PTPRT: variants seen among roughly 807,000 people sequenced by gnomAD.
PTPRT encodes receptor-type tyrosine-protein phosphatase T.
A neutral mutation model predicts 176.8 loss-of-function variants in PTPRT; 56 were observed. The ratio of observed to expected loss-of-function variants is 0.32; its 90% confidence interval spans 0.26 to 0.40. The LOEUF (loss-of-function observed/expected upper bound fraction) is 0.40, where lower values mean the gene tolerates loss of function less well. PTPRT is among the 10% of genes least tolerant of loss of function. PTPRT has a pLI of 1.00. For synonymous variants in PTPRT, 783 were observed against 739.0 expected, an observed-to-expected ratio of 1.06 and a Z score of -0.96; for missense variants, 1,540 against 1,908.2, an observed-to-expected ratio of 0.81 and a Z score of 3.60.
chr20:42,486,563 T>C (rs747464862), intron 7 of PTPRT, among the ~76,000 whole-genome samples: 6 of 152,220 alleles, frequency 3.9e-5, no homozygotes, highest in South Asian at 2.1e-4. Context: ...AATAAAATTA[T>C]ATGCATGCAT....
Position 42,677,990 on chromosome 20 carries a change from G to A in PTPRT, c.1029C>T (p.Pro343=), listed in dbSNP as rs769133198. ...TWAETHIVDS[P]NYKLWHLDPD... is the part of the protein sequence containing the mutation. Reference sequence around the variant, plus strand: ...GGTCCAGATGCCACAGCTTATAGTTGGGAGAGTCGACTATGTGGGTCTCTG... The same window carrying A: ...GGTCCAGATGCCACAGCTTATAGTTAGGAGAGTCGACTATGTGGGTCTCTG... Residue 343 remains proline, a synonymous_variant, in exon 7 of 31, where the codon CCC becomes CCT. Coordinates refer to ENST00000373187, the MANE Select transcript of PTPRT (RefSeq NM_007050.6). 21 of 1,614,178 alleles carry A rather than the reference G, an allele frequency of 1.3e-5. No homozygotes were observed. The highest frequency in any genetic ancestry group is 1.6e-5 in the Non-Finnish European group (19 of 1,180,044).
In PTPRT at chr20:42,084,775, G is replaced by C. The variant is rs761334315; in HGVS notation, c.4043C>G (p.Pro1348Arg). ...IGWPAYRDTP[P>R]SKRSLLKVVR... is the part of the protein sequence containing the mutation. ...CACTTTGAGCAGAGAGCGCTTGGAGGGGGGCGTGTCCCGGTAGGCAGGCCA... is the reference window on the plus strand; with the variant it reads ...CACTTTGAGCAGAGAGCGCTTGGAGCGGGGCGTGTCCCGGTAGGCAGGCCA... The change falls in exon 29 of 31, where the codon CCC becomes CGC. Residue 1348 changes from proline (P) to arginine (R), a missense_variant. Physicochemically the swap from Pro to Arg is moderately radical, Grantham distance 103. Around this residue, in one of 11 missense-constraint regions of PTPRT, gnomAD observed 342 missense variants for 394.0 expected, o/e 0.87. Coordinates refer to ENST00000373187, the MANE Select transcript of PTPRT (RefSeq NM_007050.6). 3.8e-6 allele frequency: 6 copies of C among 1,559,854 alleles called. No homozygotes were observed. The highest frequency in any genetic ancestry group is 1.8e-5 in the Admixed American group (1 of 56,256).
chr20:42,840,947 G>C (rs1198114597), intron 2 of PTPRT, among the ~76,000 whole-genome samples: 2 of 152,132 alleles, frequency 1.3e-5, no homozygotes, highest in Non-Finnish European at 2.9e-5. Context: ...AGTCCTTCGT[G>C]CTACTTGACT....
intron 9 of PTPRT, among the ~76,000 whole-genome samples, chr20:42,362,207 C>A (rs145655918): frequency 6.6e-6 from 1 of 152,024 alleles, no homozygotes; most frequent in Non-Finnish European, 1.5e-5. Context: ...GTCGAGGCTG[C>A]GGTTAGGCAA....
intron 1 of PTPRT, among the ~76,000 whole-genome samples, chr20:43,112,014 C>T (rs80016987): frequency 0.015 from 2,289 of 152,308 alleles, 27 homozygotes; most frequent in East Asian, 0.049. Context: ...TCTCACCTCC[C>T]GCCCACTCCA....
At chr20:42,185,377 G>A (rs946893567) in intron 16 of PTPRT, among the ~76,000 whole-genome samples, 2 of 152,164 alleles carry the variant, frequency 1.3e-5, no homozygotes, top group Non-Finnish European at 2.9e-5. Flanking sequence ...ATCACCAGCT[G>A]ATTTCTCTTC....
At chr20:42,272,416 T>TA (rs2056951470) in intron 13 of PTPRT, among the ~76,000 whole-genome samples, 2 of 151,984 alleles carry the variant, frequency 1.3e-5, no homozygotes, top group Non-Finnish European at 2.9e-5. Flanking sequence ...GTTTTTTTTT[T>TA]AACCCCAATG....
chr20:42,665,150 G>C (rs1052090893), intron 7 of PTPRT, among the ~76,000 whole-genome samples: 17 of 151,914 alleles, frequency 1.1e-4, no homozygotes, highest in Non-Finnish European at 1.6e-4. Flanking sequence ...ACTACCATCA[G>C]AGTGAACAGG....
At chr20:42,886,635 T>C (rs1327303932) in intron 1 of PTPRT, among the ~76,000 whole-genome samples, 1 of 152,218 alleles carries the variant, frequency 6.6e-6, no homozygotes, top group African/African-American at 2.4e-5. Flanking sequence ...TTAAAGCTTC[T>C]CCCTTTAACT....
intron 1 of PTPRT, among the ~76,000 whole-genome samples, chr20:43,055,444 A>G (rs1987198435): frequency 6.6e-6 from 1 of 152,160 alleles, no homozygotes; most frequent in Non-Finnish European, 1.5e-5. Context: ...ATCCATCAGC[A>G]TGCTGTTCAC....
In PTPRT at chr20:42,736,176, T is replaced by A. The variant is rs1014540530; in HGVS notation, c.859+20286A>T. Among the ~76,000 whole-genome samples, 40 of 152,108 alleles carry A rather than the reference T, an allele frequency of 2.6e-4. 1 individual carries two copies. The highest frequency in any genetic ancestry group is 4.4e-5 in the Non-Finnish European group (3 of 68,016). ...TGGGGGCATGTAATATAGTTTACAA[T>A]GGTGGGGAAAGTTTCAGGTAAGACT... On this transcript the variant is annotated intron_variant, in intron 6 of 30. Coordinates refer to ENST00000373187, the MANE Select transcript of PTPRT (RefSeq NM_007050.6).
intron 2 of PTPRT, among the ~76,000 whole-genome samples, chr20:42,852,622 C>T (rs148422683): frequency 0.014 from 2,192 of 152,114 alleles, 63 homozygotes; most frequent in African/African-American, 0.049. Context: ...TCTTTTCCAT[C>T]AGTTTGAGGA....
At chr20:42,141,754 G>C (rs1015645379) in intron 18 of PTPRT, among the ~76,000 whole-genome samples, 161 bp downstream of exon 18, 3 of 152,174 alleles carry the variant, frequency 2.0e-5, no homozygotes, top group Non-Finnish European at 4.4e-5. Flanking sequence ...GTCTAGGGAT[G>C]GCAGTAAGGC....
chr20:42,206,501 G>T (rs939156695), intron 15 of PTPRT, among the ~76,000 whole-genome samples: 2 of 152,286 alleles, frequency 1.3e-5, no homozygotes, highest in South Asian at 4.1e-4. Context: ...TTCCCTTTCC[G>T]AGTCAAAGAA....
intron 1 of PTPRT, among the ~76,000 whole-genome samples, chr20:42,937,951 A>G (rs915164907): frequency 2.6e-5 from 4 of 152,236 alleles, no homozygotes; most frequent in Non-Finnish European, 5.9e-5. Flanking sequence ...CCTTTAAGTA[A>G]CTAGTGTTAA....
intron 1 of PTPRT, among the ~76,000 whole-genome samples, chr20:42,997,189 T>C (rs1984270304): frequency 6.6e-6 from 1 of 152,240 alleles, no homozygotes; most frequent in African/African-American, 2.4e-5. Flanking sequence ...CATTTGCTTC[T>C]ACACTGTGAC....
At position 42,518,603 on chromosome 20, in the gene PTPRT, C is replaced by A. The variant is rs542912634; in HGVS notation, c.1154-46041G>T. ...TTTTAAATTGTGCCATATCTGTAGA[C>A]TAACTATAATTCCCCTTAATTCTTT... On this transcript the variant is annotated intron_variant, in intron 7 of 30. Coordinates refer to ENST00000373187, the MANE Select transcript of PTPRT (RefSeq NM_007050.6). 1.2e-4 allele frequency among the ~76,000 whole-genome samples: 18 copies of A among 152,066 alleles called. No homozygotes were observed. In the South Asian group the frequency reaches 3.7e-3, roughly 32 times the overall value.
intron 1 of PTPRT, among the ~76,000 whole-genome samples, chr20:42,925,204 G>A (rs1026456225): frequency 2.0e-5 from 3 of 152,058 alleles, no homozygotes; most frequent in African/African-American, 7.2e-5. Flanking sequence ...AGTAGCACCT[G>A]TACTAATATT....
At chr20:42,095,716 T>C (rs1985138554) in intron 27 of PTPRT, among the ~76,000 whole-genome samples, 1 of 152,230 alleles carries the variant, frequency 6.6e-6, no homozygotes, top group East Asian at 1.9e-4. Context: ...ATCTGTCTCC[T>C]GCTTTAGAAG....
Sources: gnomAD v4.1 joint callset for allele counts (sites outside exome capture counted in the v4.1 genomes callset) on GRCh38, gnomAD v4.1.1 for gene constraint, gnomAD v4.1.1 regional missense constraint, MANE v1.5 for transcripts, NCBI Gene and HGNC (gene_info 2026-07-23, HGNC 2026-07-21) for gene names.